CCDC88B: variants seen among roughly 807,000 people sequenced by gnomAD.
The protein encoded by CCDC88B is coiled-coil domain-containing protein 88B.
Under a neutral mutation model 183.7 loss-of-function variants are expected in CCDC88B, and 138 were observed. That is an observed-to-expected ratio of 0.75 (90% confidence interval 0.65 to 0.87). The LOEUF (loss-of-function observed/expected upper bound fraction) is 0.87, where lower values mean the gene tolerates loss of function less well. CCDC88B is among the 40% of genes least tolerant of loss of function. CCDC88B has a pLI of 0.00. For synonymous variants in CCDC88B, 835 were observed against 867.5 expected, an observed-to-expected ratio of 0.96 and a Z score of 0.66; for missense variants, 1,822 against 1,965.6, an observed-to-expected ratio of 0.93 and a Z score of 1.38.
In CCDC88B at chr11:64,343,573, C is replaced by T. The variant is rs1181487364; in HGVS notation, c.1276C>T (p.Leu426Phe). The T allele has an allele frequency of 6.4e-7, 1 of 1,551,860 alleles. No homozygotes were observed. The highest frequency in any genetic ancestry group is 2.0e-5 in the Admixed American group (1 of 51,042). The change falls in exon 12 of 27, where the codon CTT (leucine) becomes TTT (phenylalanine). Residue 426 changes from leucine (L) to phenylalanine (F), a missense_variant. Transcript: ENST00000356786. ...GGAGAATGTGGAGCTGGAGCTGGAG[C>T]TTCAGCGGAGCTTGGAGCCACCTCC... ...AEENVELELELQRSLEPPPGS... is the reference protein window; with the variant it reads ...AEENVELELEFQRSLEPPPGS...
At chr11:64,345,637 G>A (rs2135307871) in intron 14 of CCDC88B, among the ~76,000 whole-genome samples, 1 of 152,312 alleles carries the variant, frequency 6.6e-6, no homozygotes, top group East Asian at 1.9e-4. Context: ...GGCTTTAGGA[G>A]GAGTGACCAT....
At position 64,344,426 on chromosome 11, in the gene CCDC88B, G is replaced by T. The variant is rs1262400022; in HGVS notation, c.1885G>T (p.Ala629Ser). The part of the protein sequence containing the change: ...LLGGETEGRE[A>S]PQGELVPEAW... The stretch of plus-strand genomic sequence containing the variant: ...GGGAGGAGAGACAGAGGGAAGAGAG[G>T]CTCCCCAAGGCGAGTTGGTGCCTGA... Residue 629 changes from alanine (A) to serine (S), a missense_variant, in exon 14 of 27, where the codon GCT becomes TCT. Transcript: ENST00000356786. The surrounding 1 kb of genome is among the most constrained non-coding windows in gnomAD (Gnocchi z 4.5). 6.3e-7 allele frequency: 1 copy of T among 1,590,276 alleles called. No individual in the cohort carries two copies. Among genetic ancestry groups the T allele is most frequent in the Non-Finnish European group, 8.6e-7 (1 of 1,168,690 alleles).
At position 64,349,665 on chromosome 11, in the gene CCDC88B, C is replaced by G. The variant is rs1204362247; in HGVS notation, c.2859C>G (p.Phe953Leu). ...TRALQLEEEL[F>L]QLRQGPAGLG... ...CCCTGCAGCTGGAAGAGGAGCTGTT[C>G]CAGGTGATGCCTGCCCGCCTGGGAG... The change falls in exon 16 of 27, where the codon TTC becomes TTG. Residue 953 changes from phenylalanine (F) to leucine (L), a missense_variant. Phe to Leu is a conservative substitution (Grantham distance 22, BLOSUM62 0). Transcript: ENST00000356786. The G allele has an allele frequency of 1.3e-6, 2 of 1,588,546 alleles. No individual in the cohort carries two copies. The highest frequency in any genetic ancestry group is 1.7e-6 in the Non-Finnish European group (2 of 1,167,856).
rs1191304559 is a variant in CCDC88B at position 64,352,353 on chromosome 11, C to A, written c.3323C>A (p.Ala1108Glu). 4 of 1,544,096 alleles carry A rather than the reference C, an allele frequency of 2.6e-6. No homozygotes were observed. Among genetic ancestry groups the A allele is most frequent in the South Asian group, 1.2e-5 (1 of 83,992 alleles). Residue 1108 changes from alanine to glutamate, a missense_variant, in exon 19 of 27, where the codon GCA (alanine) becomes GAA (glutamate). By Grantham distance (107) the Ala-to-Glu change is moderately radical (BLOSUM62 -1). Transcript: ENST00000356786. ...CGAGACCTCAAGGCCAACATGCGGG[C>A]ACTGGAGCTGGCCCACCGGGAGCTG... ...RHRDLKANMR[A>E]LELAHRELQG...
rs1229214522 is a variant in CCDC88B at position 64,342,159 on chromosome 11, G to T, written c.821+20G>T. On this transcript the variant is annotated intron_variant, in intron 8 of 26. Coordinates refer to ENST00000356786, the MANE Select transcript of CCDC88B (RefSeq NM_032251.6). ...GGAGCTGTGAGTGTGCGCAGCCTGG[G>T]AAGGGGACTGAGTGGAGAGGGGCAG... 3.1e-6 allele frequency: 5 copies of T among 1,604,714 alleles called. No individual in the cohort carries two copies. The highest frequency in any genetic ancestry group is 4.2e-6 in the Non-Finnish European group (5 of 1,176,878).
In CCDC88B at chr11:64,345,109, C is replaced by T. The variant is rs1339530703; in HGVS notation, c.2568C>T (p.His856=). 1 of 1,551,208 alleles carries T rather than the reference C, an allele frequency of 6.4e-7. No homozygotes were observed. The highest frequency in any genetic ancestry group is 1.9e-5 in the Admixed American group (1 of 51,788). ...MQVLESEGRQ[H]LEEAERERRE... ...TGCTGGAGAGCGAGGGCCGCCAGCA[C>T]TTGGAGGAGGCTGAGAGGGAGCGCC... The change falls in exon 14 of 27, where the codon CAC becomes CAT. Residue 856 remains histidine (H), a synonymous_variant. Transcript: ENST00000356786.
In CCDC88B at chr11:64,344,168, G is replaced by A. The variant is rs775442880; in HGVS notation, c.1627G>A (p.Ala543Thr). 19 of 1,612,700 alleles carry A rather than the reference G, an allele frequency of 1.2e-5. No homozygotes were observed. The highest frequency in any genetic ancestry group is 1.1e-4 in the South Asian group (10 of 90,986). Residue 543 changes from alanine (A) to threonine (T), a missense_variant, in exon 14 of 27, where the codon GCA becomes ACA. Ala to Thr is a moderately conservative substitution (Grantham distance 58). Transcript: ENST00000356786. The surrounding 1 kb of genome is among the most constrained non-coding windows in gnomAD (Gnocchi z 4.5). ...APPALDSVLE[A>T]SAECPQAPDS... ...CCCGGCATTAGACTCAGTGCTCGAG[G>A]CATCAGCTGAGTGTCCCCAGGCACC...
At position 64,345,173 on chromosome 11, in the gene CCDC88B, G is replaced by A. The variant is rs1387903172; in HGVS notation, c.2616+16G>A. ...CCTCCAGGCGGTAGGTCAGGTTGGG[G>A]CTCACCGCTGGGGTTGGGAAGCAGA... On this transcript the variant is annotated intron_variant, in intron 14 of 26. Transcript: ENST00000356786. 1.3e-6 allele frequency: 2 copies of A among 1,535,534 alleles called. No homozygotes were observed. The highest frequency in any genetic ancestry group is 8.7e-7 in the Non-Finnish European group (1 of 1,147,152).
chr11:64,345,134 C>G lies in CCDC88B; in HGVS notation c.2593C>G (p.Arg865Gly), dbSNP rs762704398. The G allele has an allele frequency of 1.3e-6, 2 of 1,546,050 alleles. No individual in the cohort carries two copies. Among genetic ancestry groups the G allele is most frequent in the South Asian group, 2.4e-5 (2 of 84,638 alleles). Residue 865 changes from arginine (R) to glycine (G), a missense_variant, in exon 14 of 27, where the codon CGG becomes GGG. Arg to Gly is a moderately radical substitution (Grantham distance 125). Coordinates refer to ENST00000356786, the MANE Select transcript of CCDC88B (RefSeq NM_032251.6). ...CTTGGAGGAGGCTGAGAGGGAGCGC[C>G]GGGAGAAGGAGGCCCTCCAGGCGGT... The part of the protein sequence containing the change: ...QHLEEAERER[R>G]EKEALQAELE...
At chr11:64,347,665 C>A (rs510372) in intron 14 of CCDC88B, among the ~76,000 whole-genome samples, 13 of 151,918 alleles carry the variant, frequency 8.6e-5, no homozygotes, top group Non-Finnish European at 1.9e-4. Context: ...TCTAGCCGGG[C>A]GACCTGCCTA....
Position 64,355,279 on chromosome 11 carries a change from A to G in CCDC88B, c.4185A>G (p.Lys1395=). 1 of 1,584,638 alleles carries G rather than the reference A, an allele frequency of 6.3e-7. No individual in the cohort carries two copies. The highest frequency in any genetic ancestry group is 1.1e-5 in the South Asian group (1 of 87,338). Residue 1395 remains lysine (K), a synonymous_variant, in exon 25 of 27, where the codon AAA becomes AAG. Transcript: ENST00000356786. ...DETLAGGQRR[K]LSSRFPVGRS... The stretch of plus-strand genomic sequence containing the variant: ...CCTTGGCAGGCGGGCAGCGGCGGAA[A>G]CTCAGCTCAAGGTTCCCGGTGGGGC...
intron 20 of CCDC88B, 39 bp from the exon 21 acceptor site, chr11:64,353,014 AC>A (rs1453914527): frequency 6.5e-7 from 1 of 1,539,674 alleles, no homozygotes; most frequent in Non-Finnish European, 8.8e-7. Context: ...CGGACTGGGG[AC>A]CCAGGTCCCT....
At chr11:64,356,934 A>G in intron 26 of CCDC88B, 105 bp from the exon 27 acceptor site, 1 of 1,087,024 alleles carries the variant, frequency 9.2e-7, no homozygotes. Context: ...AGCGGGGGGT[A>G]TTGGCAGGTC....
At position 64,340,680 on chromosome 11, in the gene CCDC88B, C is replaced by T. The variant is rs776707811; in HGVS notation, c.134C>T (p.Pro45Leu). ...GAAGAAGAGGAAGAGGAGGAAGAGC[C>T]GCCCCTTTGGTTGGAGAAGAGATTC... ...EGEEEEEEEEPPLWLEKRFLR... is the reference protein window; with the variant it reads ...EGEEEEEEEELPLWLEKRFLR... Residue 45 changes from proline to leucine, a missense_variant, in exon 2 of 27, where the codon CCG becomes CTG. Physicochemically the swap from Pro to Leu is moderately conservative, Grantham distance 98 (BLOSUM62 -3). Transcript: ENST00000356786. The T allele has an allele frequency of 2.5e-6, 4 of 1,612,384 alleles. No individual in the cohort carries two copies. Among genetic ancestry groups the T allele is most frequent in the Non-Finnish European group, 3.4e-6 (4 of 1,179,858 alleles).
rs1279959941 is a variant in CCDC88B, at chr11:64,344,189, G to C, written c.1648G>C (p.Ala550Pro). The change falls in exon 14 of 27, where the codon GCA becomes CCA. Residue 550 changes from alanine (A) to proline (P), a missense_variant. Physicochemically the swap from Ala to Pro is conservative, Grantham distance 27. Transcript: ENST00000356786. The surrounding 1 kb of genome is among the most constrained non-coding windows in gnomAD (Gnocchi z 4.5). ...VLEASAECPQ[A>P]PDSDPQEAES... ...CGAGGCATCAGCTGAGTGTCCCCAG[G>C]CACCTGATTCAGACCCACAGGAGGC... 2.5e-6 allele frequency: 4 copies of C among 1,611,956 alleles called. No homozygotes were observed. The Admixed American group carries it at 6.7e-5, about 27-fold the overall frequency.
chr11:64,344,405 G>A lies in CCDC88B; in HGVS notation c.1864G>A (p.Gly622Arg). 2 of 1,588,522 alleles carry A rather than the reference G, an allele frequency of 1.3e-6. No homozygotes were observed. The highest frequency in any genetic ancestry group is 1.1e-5 in the South Asian group (1 of 87,978). ...AATTCAGGCCCCGCAGTTGCTGGGA[G>A]GAGAGACAGAGGGAAGAGAGGCTCC... ...TKIQAPQLLG[G>R]ETEGREAPQG... Residue 622 changes from glycine to arginine, a missense_variant, in exon 14 of 27, where the codon GGA becomes AGA. Coordinates refer to ENST00000356786, the MANE Select transcript of CCDC88B (RefSeq NM_032251.6). The surrounding 1 kb of genome is among the most constrained non-coding windows in gnomAD (Gnocchi z 4.5).
At chr11:64,348,212 T>G (rs2036191341) in intron 14 of CCDC88B, among the ~76,000 whole-genome samples, 1 of 143,784 alleles carries the variant, frequency 7.0e-6, no homozygotes, top group African/African-American at 2.6e-5. Context: ...GCTGGCGGGC[T>G]GGAAGAGCCG....
chr11:64,346,688 C>A (rs2036121831), intron 14 of CCDC88B, among the ~76,000 whole-genome samples: 1 of 152,084 alleles, frequency 6.6e-6, no homozygotes, highest in African/African-American at 2.4e-5. Flanking sequence ...GATCCACCCG[C>A]CTTGGCCTCC....
rs1014375058 is a variant in CCDC88B at position 64,342,704 on chromosome 11, G to T, written c.1062+24G>T. 4 of 1,455,732 alleles carry T rather than the reference G, an allele frequency of 2.7e-6. No homozygotes were observed. In the African/African-American group the frequency reaches 5.8e-5, roughly 21 times the overall value. 90.2% of individuals were successfully genotyped at this position (1,455,732 alleles called of 1,614,324 possible). ...AGGTGAGGCGGAGACGGAGCCGCGG[G>T]GCGGGGCGTGCGCGAGGGGGCGGGC... On this transcript the variant is annotated intron_variant, in intron 10 of 26. Transcript: ENST00000356786.
Sources: allele counts gnomAD v4.1 joint callset (sites outside exome capture counted in the v4.1 genomes callset), GRCh38; gene constraint gnomAD v4.1.1; non-coding constraint Gnocchi (gnomAD v3.1); transcripts MANE v1.5; gene names NCBI Gene and HGNC (gene_info 2026-07-23, HGNC 2026-07-21).